Variants in CNTLN observed in about 807,000 individuals in gnomAD.
CNTLN encodes centlein, also known as centlein, centrosomal protein.
A neutral mutation model predicts 180.0 loss-of-function variants in CNTLN; 212 were observed. The ratio of observed to expected loss-of-function variants is 1.18; its 90% CI spans 1.05 to 1.32. CNTLN has a LOEUF of 1.32. CNTLN is among the 40% of genes most tolerant of loss of function. The pLI, the probability that CNTLN is intolerant of heterozygous loss-of-function variation, is 0.00. For missense variants in CNTLN, 2,095 were observed against 1,610.9 expected (o/e 1.30, Z -5.14); for synonymous variants, 722 against 563.1 (o/e 1.28, Z -3.99).
intron 16 of CNTLN, among the ~76,000 whole-genome samples, chr9:17,410,832 C>G (rs1190400914): frequency 6.6e-6 from 1 of 152,052 alleles, no homozygotes; most frequent in South Asian, 2.1e-4. Context: ...ATCCAATGTA[C>G]GTAAACATAG....
rs920568728 is a variant in CNTLN at position 17,190,597 on chromosome 9, T to C, written c.450-35606T>C. The stretch of plus-strand genomic sequence containing the variant: ...TCCTAATGAAGTTGATTGACAGATA[T>C]AGGTAGTGATCTTTATATCTGGAAT... On this transcript the variant is annotated intron_variant, in intron 2 of 25. Transcript: ENST00000380647. Among the ~76,000 whole-genome samples the C allele has an allele frequency of 1.7e-4, 26 of 152,172 alleles. 1 individual carries two copies. The highest frequency in any genetic ancestry group is 6.3e-4 in the African/African-American group (26 of 41,452).
chr9:17,188,031 T>TATAC (rs1489172153), intron 2 of CNTLN, among the ~76,000 whole-genome samples: 5 of 139,360 alleles, frequency 3.6e-5, no homozygotes, highest in Non-Finnish European at 6.2e-5. Flanking sequence ...TATATATATA[T>TATAC]ACACAGCATA....
intron 15 of CNTLN, among the ~76,000 whole-genome samples, chr9:17,397,597 C>T (rs1587881409): frequency 6.6e-6 from 1 of 152,108 alleles, no homozygotes; most frequent in Non-Finnish European, 1.5e-5. Context: ...GTCTTTATGA[C>T]CTGTATCTTG....
chr9:17,408,926 C>T (rs1040254605), intron 15 of CNTLN, among the ~76,000 whole-genome samples: 3 of 152,002 alleles, frequency 2.0e-5, no homozygotes, highest in African/African-American at 4.8e-5. Context: ...AATTTTGTTT[C>T]AGGTGAAGGA....
chr9:17,185,771 T>TGTGTGTGTGTG (rs1317170040), intron 2 of CNTLN, among the ~76,000 whole-genome samples: 1 of 143,636 alleles, frequency 7.0e-6, no homozygotes. Context: ...TGTTTCCCAT[T>TGTGTGTGTGTG]TGTGTGTGTG....
At chr9:17,291,487 T>G (rs1829404639) in intron 6 of CNTLN, among the ~76,000 whole-genome samples, 1 of 152,178 alleles carries the variant, frequency 6.6e-6, no homozygotes, top group Non-Finnish European at 1.5e-5. Context: ...ATCTGGGTGC[T>G]CCTGTGTTAG....
At chr9:17,262,475 A>G (rs1026431315) in intron 5 of CNTLN, among the ~76,000 whole-genome samples, 1 of 151,468 alleles carries the variant, frequency 6.6e-6, no homozygotes, top group Admixed American at 6.6e-5. Flanking sequence ...TAACACAGGA[A>G]CAGAAAACCA....
rs1831639787 is a variant in CNTLN at position 17,464,612 on chromosome 9, C to T, written c.3520C>T (p.Leu1174Phe). The change falls in exon 21 of 26, where the codon CTT (leucine) becomes TTT (phenylalanine). Residue 1174 changes from leucine (L) to phenylalanine (F), a missense_variant. Physicochemically the swap from Leu to Phe is conservative, Grantham distance 22. Transcript: ENST00000380647. ...GAGTTTTAGTGAAATGTTACAAAAT[C>T]TTGATAAAAAGGTATCAATTTTTAT... ...NKSFSEMLQN[L>F]DKKVKTLTEE... 2.7e-6 allele frequency: 4 copies of T among 1,469,984 alleles called. No individual in the cohort carries two copies. In the African/African-American group the frequency reaches 4.5e-5, roughly 16 times the overall value. 91.1% of individuals were successfully genotyped at this position (1,469,984 alleles called of 1,614,324 possible). A position where few individuals can be genotyped will look rare whatever the true frequency, so the allele number is the denominator to read the frequency against.
At chr9:17,220,613 G>T (rs906899004) in intron 2 of CNTLN, among the ~76,000 whole-genome samples, 1 of 152,116 alleles carries the variant, frequency 6.6e-6, no homozygotes, top group African/African-American at 2.4e-5. Context: ...ATAGGACCCA[G>T]TGTGTGTTGT....
At chr9:17,246,445 G>T (rs7035386) in intron 5 of CNTLN, among the ~76,000 whole-genome samples, 33,507 of 152,076 alleles carry the variant, frequency 0.22, 4,722 homozygotes, top group African/African-American at 0.4. Context: ...GTGAATGGGT[G>T]ACACAAGCAC....
intron 25 of CNTLN, among the ~76,000 whole-genome samples, chr9:17,499,184 C>G (rs990100395): frequency 6.6e-6 from 1 of 152,162 alleles, no homozygotes; most frequent in African/African-American, 2.4e-5. Context: ...AGTCCTAACT[C>G]TAACCAACCT....
At chr9:17,517,940 C>T in the CNTLN span, among the ~76,000 whole-genome samples, 5 of 151,654 alleles carry the variant, frequency 3.3e-5, no homozygotes, top group South Asian at 2.1e-4. Flanking sequence ...AACTTTATTT[C>T]CTTTAACCAC....
intron 22 of CNTLN, among the ~76,000 whole-genome samples, chr9:17,466,439 G>A (rs1297203087): frequency 6.6e-6 from 1 of 151,384 alleles, no homozygotes; most frequent in African/African-American, 2.4e-5. Flanking sequence ...TCCATGTTAT[G>A]TGGAGGATCT....
chr9:17,353,582 T>C (rs35147627), intron 12 of CNTLN, among the ~76,000 whole-genome samples: 1 of 147,224 alleles, frequency 6.8e-6, no homozygotes, highest in African/African-American at 2.5e-5. Context: ...TTTTTTATTG[T>C]AATAGTTTTG....
At chr9:17,383,053 A>T (rs1267428433) in intron 13 of CNTLN, among the ~76,000 whole-genome samples, 2 of 152,016 alleles carry the variant, frequency 1.3e-5, no homozygotes, top group Non-Finnish European at 2.9e-5. Context: ...CTGAGGTGTG[A>T]CCTCCTATCT....
intron 12 of CNTLN, among the ~76,000 whole-genome samples, chr9:17,346,063 GGAAA>G (rs1417987432): frequency 6.6e-6 from 1 of 152,142 alleles, no homozygotes; most frequent in Non-Finnish European, 1.5e-5. Context: ...AATTTATAAA[GGAAA>G]GAGATTTAAT....
chr9:17,335,382 T>A (rs981503488), intron 10 of CNTLN, among the ~76,000 whole-genome samples: 1 of 152,142 alleles, frequency 6.6e-6, no homozygotes, highest in Non-Finnish European at 1.5e-5. Context: ...CTGGGTGTGG[T>A]GGTGCATGCC....
At chr9:17,464,888 G>A (rs140443362) in intron 21 of CNTLN, among the ~76,000 whole-genome samples, 4 of 151,058 alleles carry the variant, frequency 2.6e-5, no homozygotes, top group Admixed American at 2.6e-4. Flanking sequence ...ATATTTCTAG[G>A]ATACATAATT....
chr9:17,433,754 A>C (rs899248129), intron 18 of CNTLN, among the ~76,000 whole-genome samples: 5 of 151,946 alleles, frequency 3.3e-5, no homozygotes, highest in Non-Finnish European at 5.9e-5. Context: ...TATTTTAAAA[A>C]ATTTTTTGTA....
Sources: allele counts gnomAD v4.1 joint callset (sites outside exome capture counted in the v4.1 genomes callset), GRCh38; gene constraint gnomAD v4.1.1; transcripts MANE v1.5; gene names NCBI Gene and HGNC (gene_info 2026-07-23, HGNC 2026-07-21).